RBFOX1: variants seen among roughly 807,000 people sequenced by gnomAD.
RBFOX1 encodes the protein RNA binding protein fox-1 homolog 1.
A neutral mutation model predicts 57.7 loss-of-function variants in RBFOX1; 8 were observed. That is an observed-to-expected ratio of 0.14 (90% CI 0.08 to 0.25). RBFOX1 has a LOEUF of 0.25. Ranked by LOEUF, RBFOX1 falls within the 10% of genes least tolerant of loss-of-function variation. The probability of loss-of-function intolerance (pLI) is 1.00; values close to 1 mark genes in which losing one functional copy is unlikely to be tolerated. For missense variants in RBFOX1, 611 were observed against 548.5 expected, an observed-to-expected ratio of 1.11 and a Z score of -1.14; for synonymous variants, 326 against 222.4, an observed-to-expected ratio of 1.47 and a Z score of -4.15.
rs182361714 is a variant in RBFOX1 at position 7,344,663 on chromosome 16, C to T, written c.28-173484C>T. Among the ~76,000 whole-genome samples, 78 of 151,928 alleles carry T rather than the reference C, an allele frequency of 5.1e-4. 1 individual carries two copies. The East Asian group carries it at 0.01, about 20-fold the overall frequency. ...GGATTTTTTCCTAAATAATTTCTAC[C>T]ACTTTGAAGCATTCTGGCCAGACTT... On this transcript the variant is annotated intron_variant, in intron 4 of 15. Transcript: ENST00000550418.
chr16:7,036,088 A>G lies in RBFOX1; in HGVS notation c.-15-15969A>G, dbSNP rs550361410. ...ACCTCTTGTGTAAAGATCTCTTCAG[A>G]TGCGAAAGTCAGAATAGCATGGAAA... On this transcript the variant is annotated intron_variant, in intron 3 of 15. Transcript: ENST00000550418. Among the ~76,000 whole-genome samples the G allele has an allele frequency of 2.0e-5, 3 of 152,324 alleles. No individual in the cohort carries two copies. In the East Asian group the frequency reaches 5.8e-4, roughly 29 times the overall value.
chr16:6,757,923 A>C (rs11863990), intron 3 of RBFOX1, among the ~76,000 whole-genome samples: 2 of 152,166 alleles, frequency 1.3e-5, no homozygotes, highest in African/African-American at 2.4e-5. Flanking sequence ...TACAATTATT[A>C]TGCATTAGTA....
intron 4 of RBFOX1, among the ~76,000 whole-genome samples, chr16:7,194,552 A>T (rs1277810994): frequency 6.6e-6 from 1 of 152,042 alleles, no homozygotes; most frequent in Non-Finnish European, 1.5e-5. Context: ...CATTACTAAA[A>T]CTCAATGCCT....
intron 3 of RBFOX1, among the ~76,000 whole-genome samples, chr16:6,763,439 G>T (rs896861557): frequency 2.0e-5 from 3 of 152,184 alleles, no homozygotes; most frequent in Non-Finnish European, 4.4e-5. Context: ...TCATGGGCCT[G>T]TACACCTGTC....
intron 2 of RBFOX1, among the ~76,000 whole-genome samples, chr16:6,608,107 C>CA (rs2097972115): frequency 6.6e-6 from 1 of 152,192 alleles, no homozygotes; most frequent in Non-Finnish European, 1.5e-5. Flanking sequence ...GCACCTGAAA[C>CA]AACGGGTTCT....
chr16:5,514,548 T>G (rs553278082), intron 2 of RBFOX1, among the ~76,000 whole-genome samples: 1 of 152,226 alleles, frequency 6.6e-6, no homozygotes, highest in South Asian at 2.1e-4. Flanking sequence ...ATAGTGTGGG[T>G]ACACGAAGGA....
intron 4 of RBFOX1, among the ~76,000 whole-genome samples, chr16:7,118,850 A>G (rs1202237895): frequency 1.3e-5 from 2 of 152,188 alleles, no homozygotes; most frequent in African/African-American, 4.8e-5. Context: ...GAATGGAAGC[A>G]TATACCAAAT....
rs112487065 is a variant in RBFOX1 at position 6,695,569 on chromosome 16, A to G, written c.-16+40919A>G. Among the ~76,000 whole-genome samples, 437 of 107,202 alleles carry G rather than the reference A, an allele frequency of 4.1e-3. 3 individuals carry two copies. The highest frequency in any genetic ancestry group is 0.011 in the African/African-American group (420 of 39,762). 70.3% of individuals were successfully genotyped at this position (107,202 alleles called of 152,430 possible). On this transcript the variant is annotated intron_variant, in intron 3 of 15. Coordinates refer to ENST00000550418, the MANE Select transcript of RBFOX1 (RefSeq NM_018723.4). ...CGACGCGCCTATTATGAATGTTTCA[A>G]GTATGAGATATAGAATGATGAGCAC...
At chr16:6,895,418 ATGTGTGTGTGTGTGTGTG>A (rs139075559) in intron 3 of RBFOX1, among the ~76,000 whole-genome samples, 4 of 86,930 alleles carry the variant, frequency 4.6e-5, no homozygotes, top group South Asian at 7.9e-4. Flanking sequence ...TTAGTAATAT[ATGTGTGTGTGTGTGTGTG>A]TGTGTGTGTG....
chr16:7,209,490 G>C (rs1005648805), intron 4 of RBFOX1, among the ~76,000 whole-genome samples: 3 of 152,158 alleles, frequency 2.0e-5, no homozygotes, highest in African/African-American at 7.2e-5. Flanking sequence ...TGCACTTGCA[G>C]TTGGCTCCTG....
At chr16:6,961,407 C>G (rs1380502490) in intron 3 of RBFOX1, among the ~76,000 whole-genome samples, 6 of 152,168 alleles carry the variant, frequency 3.9e-5, no homozygotes, top group African/African-American at 1.2e-4. Flanking sequence ...TAGCCATGAA[C>G]TTGGTGACTT....
chr16:5,579,999 G>C (rs1410346566), intron 2 of RBFOX1, among the ~76,000 whole-genome samples: 1 of 152,084 alleles, frequency 6.6e-6, no homozygotes, highest in African/African-American at 2.4e-5. Context: ...TTGAACCCCT[G>C]ACCTCAGGTG....
intron 2 of RBFOX1, among the ~76,000 whole-genome samples, chr16:5,529,394 T>A (rs1427660669): frequency 5.1e-5 from 3 of 58,658 alleles, no homozygotes; most frequent in Admixed American, 1.8e-4. Flanking sequence ...AGTGTCTTTT[T>A]TTTTTTTTTT....
chr16:5,734,737 C>T (rs1391182506), intron 3 of RBFOX1, among the ~76,000 whole-genome samples: 3 of 152,122 alleles, frequency 2.0e-5, no homozygotes, highest in African/African-American at 7.2e-5. Context: ...CCATCTCATA[C>T]ACTGAGCTCA....
At chr16:6,303,932 C>G (rs1009121517) in intron 1 of RBFOX1, among the ~76,000 whole-genome samples, 28 of 150,832 alleles carry the variant, frequency 1.9e-4, no homozygotes, top group Non-Finnish European at 2.5e-4. Flanking sequence ...TTGCCTCAGC[C>G]TCCTGAGTGG....
intron 4 of RBFOX1, among the ~76,000 whole-genome samples, chr16:5,876,420 C>A (rs974192825): frequency 6.6e-6 from 1 of 152,128 alleles, no homozygotes; most frequent in African/African-American, 2.4e-5. Context: ...GACTCACACC[C>A]GAGGCTATCA....
chr16:5,999,264 T>C (rs1255071641), intron 4 of RBFOX1, among the ~76,000 whole-genome samples: 1 of 152,190 alleles, frequency 6.6e-6, no homozygotes, highest in Non-Finnish European at 1.5e-5. Context: ...TGAACATACT[T>C]TTCTGACTGC....
chr16:7,335,336 G>GATGT (rs1006432861), intron 4 of RBFOX1, among the ~76,000 whole-genome samples: 6 of 152,174 alleles, frequency 3.9e-5, no homozygotes, highest in Non-Finnish European at 7.3e-5. Context: ...TCATTGGCAA[G>GATGT]ATGTTAAAAT....
chr16:7,120,277 C>G (rs1384645287), intron 4 of RBFOX1, among the ~76,000 whole-genome samples: 1 of 142,534 alleles, frequency 7.0e-6, no homozygotes, highest in Non-Finnish European at 1.5e-5. Context: ...TCATAAGAGA[C>G]TATTAAAAAA....
Sources: allele counts gnomAD v4.1 joint callset (sites outside exome capture counted in the v4.1 genomes callset), GRCh38; gene constraint gnomAD v4.1.1; transcripts MANE v1.5; gene names NCBI Gene and HGNC (gene_info 2026-07-23, HGNC 2026-07-21).